HERC1: variants seen among roughly 807,000 people sequenced by gnomAD.
The protein encoded by HERC1 is HECT and RLD domain containing E3 ubiquitin protein ligase family member 1.
HERC1 carries 160 observed loss-of-function variants against 554.3 expected under a neutral mutation model. That is an observed-to-expected ratio of 0.29 (90% CI 0.25 to 0.33). The LOEUF (loss-of-function observed/expected upper bound fraction) is 0.33, where lower values mean the gene tolerates loss of function less well. Ranked by LOEUF, HERC1 falls within the 10% of genes least tolerant of loss-of-function variation. HERC1 has a pLI of 1.00. For synonymous variants in HERC1, 2,175 were observed against 2,131.7 expected (o/e 1.02, Z -0.56); for missense variants, 4,919 against 5,918.5 (o/e 0.83, Z 5.54).
chr15:63,817,747 G>C (rs950130437), intron 1 of HERC1, among the ~76,000 whole-genome samples: 2 of 152,090 alleles, frequency 1.3e-5, no homozygotes, highest in African/African-American at 4.8e-5. Flanking sequence ...CCAAGGATTG[G>C]GGATGAGGGG....
chr15:63,762,262 A>C (rs2075636207), intron 3 of HERC1, among the ~76,000 whole-genome samples: 1 of 152,192 alleles, frequency 6.6e-6, no homozygotes, highest in Non-Finnish European at 1.5e-5. Flanking sequence ...CCTTCACTGC[A>C]GATAATAATT....
At position 63,616,441 on chromosome 15, in the gene HERC1, T is replaced by C; in HGVS notation, c.13930A>G (p.Ser4644Gly). ...HIEDSGITEE[S>G]FHEMIPLDSF... The stretch of plus-strand genomic sequence containing the variant: ...TGGCCAGGATTTACCTCATGGAAAC[T>C]CTCCTCGGTAATCCCACTGTCTTCA... Residue 4644 changes from serine to glycine, a missense_variant, in exon 75 of 78, where the codon AGT becomes GGT. Physicochemically the swap from Ser to Gly is moderately conservative, Grantham distance 56. This residue lies in a region of HERC1 where 284 missense variants were observed against 294.1 expected (regional missense o/e 0.97). Transcript: ENST00000443617. 1.2e-6 allele frequency: 2 copies of C among 1,613,040 alleles called. No individual in the cohort carries two copies. The highest frequency in any genetic ancestry group is 1.7e-6 in the Non-Finnish European group (2 of 1,179,260).
chr15:63,656,643 C>T (rs1470549771), intron 48 of HERC1, among the ~76,000 whole-genome samples: 2 of 152,198 alleles, frequency 1.3e-5, no homozygotes, highest in African/African-American at 2.4e-5. Context: ...GCTGAACAAA[C>T]CCATGTCACC....
At chr15:63,667,840 C>T (rs928656343) in intron 40 of HERC1, among the ~76,000 whole-genome samples, 6 of 152,326 alleles carry the variant, frequency 3.9e-5, no homozygotes, top group African/African-American at 1.2e-4. Flanking sequence ...TCTTCTGCCT[C>T]TGCCACTCCT....
At chr15:63,648,943 C>T (rs1482336244) in intron 54 of HERC1, among the ~76,000 whole-genome samples, 1 of 152,244 alleles carries the variant, frequency 6.6e-6, no homozygotes, top group Non-Finnish European at 1.5e-5. Flanking sequence ...GAGATGCATT[C>T]ACGTTCAAAG....
chr15:63,730,956 T>C (rs1021739247), intron 14 of HERC1, among the ~76,000 whole-genome samples: 9 of 152,238 alleles, frequency 5.9e-5, no homozygotes, highest in Non-Finnish European at 1.0e-4. Context: ...TCAAAGAAAG[T>C]GACTGCTACT....
chr15:63,640,660 T>C (rs1040834606), intron 60 of HERC1, among the ~76,000 whole-genome samples: 1 of 152,194 alleles, frequency 6.6e-6, no homozygotes, highest in Non-Finnish European at 1.5e-5. Context: ...TAACATCTTA[T>C]ACAACCCTGG....
chr15:63,780,865 A>C (rs1014421586), intron 1 of HERC1, among the ~76,000 whole-genome samples: 4 of 152,242 alleles, frequency 2.6e-5, no homozygotes, highest in Non-Finnish European at 5.9e-5. Flanking sequence ...TAACTGAATA[A>C]AACATATATG....
intron 2 of HERC1, among the ~76,000 whole-genome samples, chr15:63,768,598 A>G (rs917832168): frequency 3.3e-5 from 5 of 152,200 alleles, no homozygotes; most frequent in African/African-American, 1.2e-4. Context: ...TCTAGTGATC[A>G]CCAAAACAAA....
At chr15:63,621,247 T>A (rs1250983970) in intron 74 of HERC1, among the ~76,000 whole-genome samples, 1 of 152,062 alleles carries the variant, frequency 6.6e-6, no homozygotes, top group Non-Finnish European at 1.5e-5. Context: ...TCTCCTTCAC[T>A]TATGAAGCTT....
chr15:63,769,989 G>A (rs925400518), intron 2 of HERC1, among the ~76,000 whole-genome samples: 3 of 152,044 alleles, frequency 2.0e-5, no homozygotes, highest in African/African-American at 4.8e-5. Context: ...AAGATTAGAC[G>A]GAGTACATTT....
chr15:63,691,403 T>C (rs540659006), intron 31 of HERC1, among the ~76,000 whole-genome samples: 14 of 151,670 alleles, frequency 9.2e-5, no homozygotes, highest in Middle Eastern at 3.4e-3. Context: ...AAGTGAGAGG[T>C]TGCAGTGAGT....
rs748838373 is a variant in HERC1, at chr15:63,656,105, C to T, written c.9853G>A (p.Val3285Ile). Residue 3285 changes from valine (V) to isoleucine (I), a missense_variant, in exon 49 of 78, where the codon GTA (valine) becomes ATA (isoleucine). Val to Ile is a conservative substitution (Grantham distance 29). Transcript: ENST00000443617. ...SNAPSAAKLL[V>I]QLCTQNLISA... ...TAGCTTACCTGTGTACACAACTGTA[C>T]AAGCAGTTTGGCAGCACTAGGAGCA... is the stretch of plus-strand genomic sequence containing the variant. 1.9e-6 allele frequency: 3 copies of T among 1,612,860 alleles called. No individual in the cohort carries two copies. The highest frequency in any genetic ancestry group is 2.5e-6 in the Non-Finnish European group (3 of 1,179,372).
intron 14 of HERC1, among the ~76,000 whole-genome samples, chr15:63,732,030 C>T (rs1274479472): frequency 1.3e-5 from 2 of 152,164 alleles, no homozygotes; most frequent in East Asian, 3.9e-4. Context: ...GAGATGGGGT[C>T]TCGCTCTGTC....
chr15:63,799,257 T>C (rs2076904643), intron 1 of HERC1, among the ~76,000 whole-genome samples: 1 of 152,136 alleles, frequency 6.6e-6, no homozygotes, highest in African/African-American at 2.4e-5. Context: ...TCACAGCATT[T>C]TGGGAAGCTG....
At chr15:63,631,937 T>A (rs1339303614) in intron 68 of HERC1, among the ~76,000 whole-genome samples, 1 of 152,088 alleles carries the variant, frequency 6.6e-6, no homozygotes, top group Non-Finnish European at 1.5e-5. Context: ...TCTCTCTGGG[T>A]TTTTTAGATG....
chr15:63,832,158 G>C (rs546962675), intron 1 of HERC1, among the ~76,000 whole-genome samples: 7 of 152,188 alleles, frequency 4.6e-5, no homozygotes, highest in Non-Finnish European at 1.0e-4. Flanking sequence ...TGTGATTTGG[G>C]GGAAATATTA....
At chr15:63,623,647 G>T in intron 73 of HERC1, 78 bp downstream of exon 73, 1 of 1,335,366 alleles carries the variant, frequency 7.5e-7, no homozygotes, top group Non-Finnish European at 1.1e-6. Flanking sequence ...AAACATGCCT[G>T]GCAGAGTGAT....
At chr15:63,695,805 A>G (rs2072377660) in intron 27 of HERC1, among the ~76,000 whole-genome samples, 4 of 152,216 alleles carry the variant, frequency 2.6e-5, no homozygotes. Context: ...TAAACGATCA[A>G]ATCTAAAACG....
Sources: allele counts gnomAD v4.1 joint callset (sites outside exome capture counted in the v4.1 genomes callset), GRCh38; gene constraint gnomAD v4.1.1; regional missense constraint gnomAD v4.1.1; transcripts MANE v1.5; gene names NCBI Gene and HGNC (gene_info 2026-07-23, HGNC 2026-07-21).